Variants in HECW1 observed in about 807,000 individuals in gnomAD.
HECW1 encodes the protein E3 ubiquitin-protein ligase HECW1.
HECW1 carries 61 observed loss-of-function variants against 182.3 expected under a neutral mutation model. The ratio of observed to expected loss-of-function variants is 0.33; its 90% CI spans 0.27 to 0.41. The LOEUF (loss-of-function observed/expected upper bound fraction) is 0.41. HECW1 is among the 10% of genes least tolerant of loss of function. HECW1 has a pLI of 1.00. For synonymous variants in HECW1, 859 were observed against 832.6 expected, an observed-to-expected ratio of 1.03 and a Z score of -0.55; for missense variants, 1,739 against 2,108.9, an observed-to-expected ratio of 0.82 and a Z score of 3.44.
chr7:43,334,231 A>G (rs1187096066), intron 5 of HECW1, among the ~76,000 whole-genome samples: 1 of 152,154 alleles, frequency 6.6e-6, no homozygotes, highest in Non-Finnish European at 1.5e-5. Context: ...TTCGGAGGTC[A>G]CTCTCAGGAC....
chr7:43,197,156 A>G (rs1794533949), intron 2 of HECW1, among the ~76,000 whole-genome samples: 1 of 152,220 alleles, frequency 6.6e-6, no homozygotes. Flanking sequence ...GAGAATTTAT[A>G]GAAAAAAATA....
chr7:43,246,787 C>T lies in HECW1; in HGVS notation c.27+2855C>T, dbSNP rs117486174. ...CCCTGAGAGGGCAAGAGAGAACTAA[C>T]GTTTGTGACAGGGAAAGGGAGGAAG... On this transcript the variant is annotated intron_variant, in intron 3 of 29. Transcript: ENST00000395891. 1.3e-4 allele frequency among the ~76,000 whole-genome samples: 20 copies of T among 152,210 alleles called. No individual in the cohort carries two copies. The South Asian group carries it at 2.7e-3, about 20-fold the overall frequency.
chr7:43,377,130 C>T lies in HECW1; in HGVS notation c.555+16150C>T, dbSNP rs2074364483. Among the ~76,000 whole-genome samples, 2 of 152,074 alleles carry T rather than the reference C, an allele frequency of 1.3e-5. 1 individual carries two copies. Among genetic ancestry groups the T allele is most frequent in the South Asian group, 4.2e-4 (2 of 4,810 alleles). On this transcript the variant is annotated intron_variant, in intron 6 of 29. Coordinates refer to ENST00000395891, the MANE Select transcript of HECW1 (RefSeq NM_015052.5). Reference sequence around the variant, plus strand: ...TGCCTGGGACTGTGCTCTTCCCATCCCTGGCCTCACCCAACACCATGAGAC... The same window carrying T: ...TGCCTGGGACTGTGCTCTTCCCATCTCTGGCCTCACCCAACACCATGAGAC...
intron 6 of HECW1, among the ~76,000 whole-genome samples, chr7:43,362,444 T>G (rs1816084562): frequency 6.6e-6 from 1 of 152,168 alleles, no homozygotes; most frequent in Non-Finnish European, 1.5e-5. Flanking sequence ...GCTTCGCTGT[T>G]TTTCCCTCAC....
intron 6 of HECW1, among the ~76,000 whole-genome samples, chr7:43,381,293 T>G (rs951688863): frequency 3.3e-5 from 5 of 152,158 alleles, no homozygotes; most frequent in Non-Finnish European, 5.9e-5. Flanking sequence ...ATCTTGGTGC[T>G]GTGGTGAATT....
intron 3 of HECW1, among the ~76,000 whole-genome samples, chr7:43,247,374 A>G (rs1799474711): frequency 6.6e-6 from 1 of 152,206 alleles, no homozygotes. Context: ...CAGACCAGGC[A>G]CAGTGGCTCA....
intron 5 of HECW1, among the ~76,000 whole-genome samples, chr7:43,340,524 A>G (rs1037748794): frequency 1.3e-5 from 2 of 151,414 alleles, no homozygotes; most frequent in Non-Finnish European, 2.9e-5. Context: ...CCCGGCCTCT[A>G]ATTACCTTTG....
intron 17 of HECW1, among the ~76,000 whole-genome samples, chr7:43,489,586 C>A (rs1470534426): frequency 6.6e-6 from 1 of 152,224 alleles, no homozygotes; most frequent in Non-Finnish European, 1.5e-5. Context: ...CAAAGTGGCA[C>A]AAAATCTACT....
At chr7:43,372,750 G>A (rs2074163014) in intron 6 of HECW1, among the ~76,000 whole-genome samples, 1 of 151,370 alleles carries the variant, frequency 6.6e-6, no homozygotes, top group Admixed American at 6.6e-5. Context: ...CTCATGACTG[G>A]TCTGGCTTTA....
intron 3 of HECW1, among the ~76,000 whole-genome samples, chr7:43,304,482 AT>A (rs1447125379): frequency 6.6e-6 from 1 of 150,624 alleles, no homozygotes; most frequent in Non-Finnish European, 1.5e-5. Context: ...TTATTTATTT[AT>A]TTATTTATTT....
intron 6 of HECW1, among the ~76,000 whole-genome samples, chr7:43,381,862 C>T (rs1045955090): frequency 6.6e-6 from 1 of 152,048 alleles, no homozygotes; most frequent in African/African-American, 2.4e-5. Context: ...TGGGGTTTCA[C>T]TGTGTTGCCC....
intron 12 of HECW1, among the ~76,000 whole-genome samples, chr7:43,454,994 A>G (rs1466221531): frequency 6.6e-6 from 1 of 152,196 alleles, no homozygotes; most frequent in Non-Finnish European, 1.5e-5. Flanking sequence ...ATCTCTGTAC[A>G]GCAGGCATTG....
At chr7:43,524,079 A>G (rs1390221734) in intron 24 of HECW1, among the ~76,000 whole-genome samples, 1 of 152,214 alleles carries the variant, frequency 6.6e-6, no homozygotes, top group Non-Finnish European at 1.5e-5. Context: ...TTTATTTTAA[A>G]TGCAGATTTC....
chr7:43,495,761 G>A (rs1395345188), intron 19 of HECW1, among the ~76,000 whole-genome samples: 1 of 152,188 alleles, frequency 6.6e-6, no homozygotes, highest in Non-Finnish European at 1.5e-5. Context: ...AGCCACCTGG[G>A]TCATTCATTC....
At position 43,445,187 on chromosome 7, in the gene HECW1, G is replaced by T. The variant is rs1457137186; in HGVS notation, c.2015G>T (p.Gly672Val). The T allele has an allele frequency of 1.9e-6, 3 of 1,612,438 alleles. No homozygotes were observed. The highest frequency in any genetic ancestry group is 1.7e-4 in the Middle Eastern group (1 of 6,054). The change falls in exon 11 of 30, where the codon GGC becomes GTC. Residue 672 changes from glycine to valine, a missense_variant. Physicochemically the swap from Gly to Val is moderately radical, Grantham distance 109. Coordinates refer to ENST00000395891, the MANE Select transcript of HECW1 (RefSeq NM_015052.5). ...CAAGGCGGGGACCACAGTTGCGAGG[G>T]CTGTGACGCGTCCTGCTGCAGCCCC... ...PRQGGDHSCE[G>V]CDASCCSPSC...
rs1374007469 is a variant in HECW1, at chr7:43,445,333, T to C, written c.2161T>C (p.Ser721Pro). 1.9e-6 allele frequency: 3 copies of C among 1,613,698 alleles called. No individual in the cohort carries two copies. The highest frequency in any genetic ancestry group is 2.5e-6 in the Non-Finnish European group (3 of 1,180,020). Reference protein sequence around the residue: ...NRFASHTRFSSVDSAKISEST... With the variant: ...NRFASHTRFSPVDSAKISEST... ...GTTCGCCAGCCACACGCGCTTCTCC[T>C]CCGTGGACAGCGCCAAGATCTCCGA... Residue 721 changes from serine to proline, a missense_variant, in exon 11 of 30, where the codon TCC (serine) becomes CCC (proline). This residue lies in a region of HECW1 where 971 missense variants were observed against 1,029.1 expected (regional missense o/e 0.94). Transcript: ENST00000395891.
chr7:43,336,148 C>CTCTCTCTCTCTCTCTT (rs1812225653), intron 5 of HECW1, among the ~76,000 whole-genome samples: 2 of 48,672 alleles, frequency 4.1e-5, no homozygotes, highest in African/African-American at 1.7e-4. Flanking sequence ...CTCTCTTTCT[C>CTCTCTCTCTCTCTCTT]TCTCTCTCTC....
intron 29 of HECW1, 27 bp downstream of exon 29, chr7:43,554,817 G>A: frequency 2.5e-6 from 4 of 1,597,498 alleles, no homozygotes; most frequent in Non-Finnish European, 3.4e-6. Flanking sequence ...AGCCTTCGGG[G>A]AAACCTGCTG....
intron 3 of HECW1, among the ~76,000 whole-genome samples, chr7:43,281,930 T>G (rs1584314243): frequency 6.6e-6 from 1 of 152,200 alleles, no homozygotes. Flanking sequence ...CTGCATCCTT[T>G]AAGTCCCAAC....
Sources: gnomAD v4.1 joint callset for allele counts (sites outside exome capture counted in the v4.1 genomes callset) on GRCh38, gnomAD v4.1.1 for gene constraint, gnomAD v4.1.1 regional missense constraint, MANE v1.5 for transcripts, NCBI Gene and HGNC (gene_info 2026-07-23, HGNC 2026-07-21) for gene names.